The following HEPHL1 variants were observed in gnomAD, a reference collection of about 807,000 sequenced individuals.
HEPHL1 encodes the protein ferroxidase HEPHL1.
Under a neutral mutation model 122.0 loss-of-function variants are expected in HEPHL1, and 123 were observed. That is an observed-to-expected ratio of 1.01 (90% confidence interval 0.87 to 1.17). The LOEUF is 1.17. Among genes scored for constraint, HEPHL1 ranks in the 50% most tolerant of loss-of-function variants. The pLI is 0.00. For synonymous variants in HEPHL1, 527 were observed against 508.9 expected (o/e 1.04, Z -0.48); for missense variants, 1,452 against 1,430.5 (o/e 1.01, Z -0.24).
intron 17 of HEPHL1, among the ~76,000 whole-genome samples, 165 bp downstream of exon 17, chr11:94,106,295 T>C (rs550140354): frequency 6.1e-5 from 1 of 16,510 alleles, no homozygotes; most frequent in East Asian, 9.9e-4. Context: ...TTTCTTTTCT[T>C]TTTTTTTTTT....
At chr11:94,098,373 G>A (rs1309413502) in intron 13 of HEPHL1, among the ~76,000 whole-genome samples, 1 of 152,208 alleles carries the variant, frequency 6.6e-6, no homozygotes, top group African/African-American at 2.4e-5. Context: ...AGTTTCTGCT[G>A]AGAGATCCGC....
At chr11:94,105,036 C>A (rs962865202) in intron 16 of HEPHL1, among the ~76,000 whole-genome samples, 1 of 152,148 alleles carries the variant, frequency 6.6e-6, no homozygotes, top group Admixed American at 6.5e-5. Flanking sequence ...AACAAATCAT[C>A]ATTTATTGTC....
Position 94,111,596 on chromosome 11 carries a change from C to A in HEPHL1, c.3268C>A (p.Pro1090Thr). 6.2e-7 allele frequency: 1 copy of A among 1,606,186 alleles called. No individual in the cohort carries two copies. Among genetic ancestry groups the A allele is most frequent in the Non-Finnish European group, 8.5e-7 (1 of 1,175,880 alleles). The stretch of plus-strand genomic sequence containing the variant: ...AGTGGCATCTCACCCAGCCACGGTG[C>A]CATCTAACGGTAATGATACCCTCTC... ...PGVASHPATV[P>T]SNERPGKEQL... Residue 1090 changes from proline to threonine, a missense_variant, in exon 19 of 20, where the codon CCA becomes ACA. Coordinates refer to ENST00000315765, the MANE Select transcript of HEPHL1 (RefSeq NM_001098672.2).
At chr11:94,055,907 C>T (rs966871718) in intron 2 of HEPHL1, 91 of 936,904 alleles carry the variant, frequency 9.7e-5, no homozygotes, top group Admixed American at 2.5e-4. Context: ...CAGAGCCTAC[C>T]GTGCCTCCTG....
chr11:94,068,049 G>A (rs1232590546), intron 5 of HEPHL1, among the ~76,000 whole-genome samples: 1 of 152,146 alleles, frequency 6.6e-6, no homozygotes, highest in African/African-American at 2.4e-5. Context: ...TACGATTTAA[G>A]GCAGAATGAG....
intron 13 of HEPHL1, among the ~76,000 whole-genome samples, chr11:94,098,892 G>A (rs1191574809): frequency 1.3e-5 from 2 of 152,096 alleles, no homozygotes; most frequent in African/African-American, 2.4e-5. Flanking sequence ...CTCTACACTG[G>A]TTATTCTAGT....
At chr11:94,086,965 G>A (rs1946223822) in intron 11 of HEPHL1, among the ~76,000 whole-genome samples, 1 of 152,178 alleles carries the variant, frequency 6.6e-6, no homozygotes, top group African/African-American at 2.4e-5. Context: ...AGTACTTGCT[G>A]TTTACTAATG....
intron 1 of HEPHL1, among the ~76,000 whole-genome samples, chr11:94,025,075 C>T (rs1393100759): frequency 3.3e-5 from 5 of 152,082 alleles, no homozygotes; most frequent in East Asian, 1.9e-4. Context: ...TGCACAAGGA[C>T]GAGATCGAAA....
chr11:94,097,628 C>A (rs1946328960), intron 13 of HEPHL1, among the ~76,000 whole-genome samples: 1 of 152,062 alleles, frequency 6.6e-6, no homozygotes, highest in African/African-American at 2.4e-5. Flanking sequence ...GTTAAAGTCT[C>A]CCATTATTAT....
chr11:94,061,731 G>A (rs1945986437), intron 2 of HEPHL1, among the ~76,000 whole-genome samples: 1 of 152,140 alleles, frequency 6.6e-6, no homozygotes, highest in Non-Finnish European at 1.5e-5. Flanking sequence ...CGTATTGAGA[G>A]AAAATGTAAG....
At chr11:94,094,613 C>G (rs1402420252) in intron 13 of HEPHL1, among the ~76,000 whole-genome samples, 1 of 152,234 alleles carries the variant, frequency 6.6e-6, no homozygotes, top group East Asian at 1.9e-4. Flanking sequence ...ACAGTCCCAC[C>G]AACAGTGTAA....
At chr11:94,056,656 ATTATCTATCTATCTATCTATC>A (rs1445440273) in intron 2 of HEPHL1, among the ~76,000 whole-genome samples, 2 of 106,928 alleles carry the variant, frequency 1.9e-5, no homozygotes, top group East Asian at 2.4e-4. Flanking sequence ...GCTATTATTG[ATTATCTATCTATCTATCTATC>A]TATCTATCTA....
rs61906133 is a variant in HEPHL1, at chr11:94,042,548, C to A, written c.171-3125C>A. ...CACCATGGAATACTATGCAGCCATA[C>A]AAAATGATGAGTTCATGTCCTTTGT... is the stretch of plus-strand genomic sequence containing the variant. On this transcript the variant is annotated intron_variant, in intron 1 of 19. Transcript: ENST00000315765. Among the ~76,000 whole-genome samples, 750 of 150,626 alleles carry A rather than the reference C, an allele frequency of 5.0e-3. 13 individuals are homozygous for A. The highest frequency in any genetic ancestry group is 0.017 in the African/African-American group (704 of 40,678).
At chr11:94,108,927 A>T (rs1946428062) in intron 17 of HEPHL1, among the ~76,000 whole-genome samples, 1 of 152,068 alleles carries the variant, frequency 6.6e-6, no homozygotes, top group Non-Finnish European at 1.5e-5. Context: ...TTTGATTGGT[A>T]TTGCACTGAA....
intron 12 of HEPHL1, 135 bp from the exon 13 acceptor site, chr11:94,093,366 G>T (rs1293890459): frequency 2.6e-5 from 24 of 916,548 alleles, no homozygotes; most frequent in South Asian, 4.3e-5. Context: ...GGTGCAAAAG[G>T]CCTGCTCCCC....
chr11:94,065,170 G>C (rs1447921647), intron 4 of HEPHL1, among the ~76,000 whole-genome samples: 1 of 152,196 alleles, frequency 6.6e-6, no homozygotes, highest in African/African-American at 2.4e-5. Flanking sequence ...TTCTTAGAGA[G>C]TTCTAGTGAA....
intron 10 of HEPHL1, among the ~76,000 whole-genome samples, chr11:94,085,433 A>G (rs1946208883): frequency 6.6e-6 from 1 of 152,204 alleles, no homozygotes; most frequent in Non-Finnish European, 1.5e-5. Flanking sequence ...AGTACCCCCT[A>G]AAAAACAATC....
intron 13 of HEPHL1, among the ~76,000 whole-genome samples, chr11:94,094,768 C>A (rs1210607383): frequency 6.6e-6 from 1 of 152,130 alleles, no homozygotes; most frequent in Non-Finnish European, 1.5e-5. Context: ...AGCATTTTTT[C>A]ATGTGTCTGT....
chr11:94,055,190 A>G, intron 2 of HEPHL1: 1 of 251,664 alleles, frequency 4.0e-6, no homozygotes, highest in South Asian at 4.8e-5. Context: ...GCTGCCTTGG[A>G]GACTCCCTTG....
Sources: allele counts gnomAD v4.1 joint callset (sites outside exome capture counted in the v4.1 genomes callset), GRCh38; gene constraint gnomAD v4.1.1; transcripts MANE v1.5; gene names NCBI Gene and HGNC (gene_info 2026-07-23, HGNC 2026-07-21).